The following SLAIN2 variants were observed in gnomAD, a reference collection of about 807,000 sequenced individuals.
SLAIN2 encodes SLAIN family member 2, also known as SLAIN motif-containing protein 2.
A neutral mutation model predicts 56.6 loss-of-function variants in SLAIN2; 31 were observed. The ratio of observed to expected loss-of-function variants is 0.55; its 90% CI spans 0.41 to 0.74. The LOEUF (loss-of-function observed/expected upper bound fraction) is 0.74. SLAIN2 is among the 30% of genes least tolerant of loss of function. The probability of loss-of-function intolerance (pLI) is 0.00; values close to 1 mark genes in which losing one functional copy is unlikely to be tolerated. For synonymous variants in SLAIN2, 317 were observed against 284.9 expected, an observed-to-expected ratio of 1.11 and a Z score of -1.13; for missense variants, 777 against 754.2, an observed-to-expected ratio of 1.03 and a Z score of -0.35.
chr4:48,417,815 A>AACTCT (rs1434055820), intron 6 of SLAIN2, among the ~76,000 whole-genome samples: 2 of 151,704 alleles, frequency 1.3e-5, no homozygotes, highest in African/African-American at 4.8e-5. Context: ...TCATGCTAAA[A>AACTCT]ACTCTCAATA....
intron 3 of SLAIN2, among the ~76,000 whole-genome samples, chr4:48,379,177 G>A (rs1174543500): frequency 6.6e-6 from 1 of 152,084 alleles, no homozygotes; most frequent in Non-Finnish European, 1.5e-5. Context: ...ATGGCATAAT[G>A]TAGGAGAAAC....
rs1255784396 is a variant in SLAIN2, at chr4:48,341,622, T to C, written c.-118T>C. 7.1e-7 allele frequency: 1 copy of C among 1,411,612 alleles called. No individual in the cohort carries two copies. The highest frequency in any genetic ancestry group is 3.0e-5 in the East Asian group (1 of 33,570). 87.4% of individuals were successfully genotyped at this position (1,411,612 alleles called of 1,614,324 possible). A position where few individuals can be genotyped will look rare whatever the true frequency, so the allele number is the denominator to read the frequency against. On this transcript the variant is annotated 5_prime_UTR_variant, in exon 1 of 8. Coordinates refer to ENST00000264313, the MANE Select transcript of SLAIN2 (RefSeq NM_020846.2). ...GGACCCTGGCGGTGGGGCCTGGTCC[T>C]GCTATATGCCGGCGCCTCGGCTAGA...
At chr4:48,400,327 T>A (rs1169923933) in intron 6 of SLAIN2, among the ~76,000 whole-genome samples, 4 of 152,068 alleles carry the variant, frequency 2.6e-5, no homozygotes, top group Non-Finnish European at 4.4e-5. Context: ...GTTGTTTGTA[T>A]TTCTCTTGGG....
At chr4:48,373,908 C>T (rs531687696) in intron 2 of SLAIN2, among the ~76,000 whole-genome samples, 2 of 152,026 alleles carry the variant, frequency 1.3e-5, no homozygotes, top group Non-Finnish European at 2.9e-5. Context: ...TGTGGTGGCA[C>T]ATGCCTGTAA....
At position 48,341,718 on chromosome 4, in the gene SLAIN2, C is replaced by CGGCGGA; in HGVS notation, c.-17_-16insAGGCGG. On this transcript the variant is annotated 5_prime_UTR_variant, in exon 1 of 8. Coordinates refer to ENST00000264313, the MANE Select transcript of SLAIN2 (RefSeq NM_020846.2). The stretch of plus-strand genomic sequence containing the variant: ...TGCGAGAGCGAGCGGGCGGCGGAGG[C>CGGCGGA]GGCGGCGGCGGCGGGGCCGGGATGG... The CGGCGGA allele has an allele frequency of 6.8e-7, 1 of 1,467,880 alleles. No homozygotes were observed. The highest frequency in any genetic ancestry group is 1.3e-5 in the South Asian group (1 of 74,228). The allele number at this position is 1,467,880 out of a possible 1,614,324, so 90.9% of individuals were successfully genotyped here.
chr4:48,409,216 T>G (rs1453657206), intron 6 of SLAIN2, among the ~76,000 whole-genome samples: 1 of 152,198 alleles, frequency 6.6e-6, no homozygotes, highest in Non-Finnish European at 1.5e-5. Flanking sequence ...TTAAGGTATT[T>G]TAGAATATAC....
intron 3 of SLAIN2, 29 bp downstream of exon 3, chr4:48,378,089 AGGAATGTTTTT>A: frequency 4.4e-6 from 7 of 1,603,770 alleles, no homozygotes; most frequent in Non-Finnish European, 6.0e-6. Context: ...GGAGCTATTA[AGGAATGTTTTT>A]TAGCTTACTG....
chr4:48,403,542 T>C (rs566657533), intron 6 of SLAIN2, among the ~76,000 whole-genome samples: 1 of 152,174 alleles, frequency 6.6e-6, no homozygotes, highest in Non-Finnish European at 1.5e-5. Flanking sequence ...ATCTGGACTT[T>C]CCAGAGCCAG....
chr4:48,348,963 G>T (rs1214600164), intron 1 of SLAIN2, among the ~76,000 whole-genome samples: 1 of 152,152 alleles, frequency 6.6e-6, no homozygotes, highest in African/African-American at 2.4e-5. Context: ...TTTTTTCCTA[G>T]ATTTACTTGC....
At chr4:48,421,322 A>G (rs1717152143) in intron 7 of SLAIN2, among the ~76,000 whole-genome samples, 1 of 152,088 alleles carries the variant, frequency 6.6e-6, no homozygotes, top group Non-Finnish European at 1.5e-5. Context: ...TTGTTTGCGT[A>G]ATCTTCAGAT....
At chr4:48,393,890 T>TTCCTCATGGAAAAAA (rs2109771561) in intron 6 of SLAIN2, among the ~76,000 whole-genome samples, 1 of 152,244 alleles carries the variant, frequency 6.6e-6, no homozygotes, top group African/African-American at 2.4e-5. Flanking sequence ...GAAAAAAGCT[T>TTCCTCATGGAAAAAA]AGCTTTCCTC....
intron 4 of SLAIN2, among the ~76,000 whole-genome samples, chr4:48,380,674 T>C (rs553388370): frequency 2.0e-5 from 3 of 152,208 alleles, no homozygotes; most frequent in Non-Finnish European, 2.9e-5. Flanking sequence ...AGATGCCATC[T>C]GCATAACTAT....
rs184423565 is a variant in SLAIN2 at position 48,365,021 on chromosome 4, T to C, written c.390-4828T>C. Among the ~76,000 whole-genome samples the C allele has an allele frequency of 9.8e-5, 15 of 152,320 alleles. No individual in the cohort carries two copies. In the East Asian group the frequency reaches 2.9e-3, roughly 29 times the overall value. On this transcript the variant is annotated intron_variant, in intron 1 of 7. Transcript: ENST00000264313. The stretch of plus-strand genomic sequence containing the variant: ...TTCCTAGGAATTAATCTGTTTTATC[T>C]ATTTTATTAGCATTAGGTTGTTCAT...
At chr4:48,376,234 A>T (rs1393394296) in intron 2 of SLAIN2, among the ~76,000 whole-genome samples, 2 of 152,222 alleles carry the variant, frequency 1.3e-5, no homozygotes, top group African/African-American at 4.8e-5. Context: ...CAGGCGGATC[A>T]TCTGAGCTCA....
intron 1 of SLAIN2, among the ~76,000 whole-genome samples, chr4:48,350,385 T>C (rs989212130): frequency 6.6e-5 from 10 of 152,240 alleles, no homozygotes; most frequent in Admixed American, 6.5e-5. Flanking sequence ...TAGGAACATA[T>C]CTATAACTAT....
chr4:48,361,300 A>C (rs1393636456), intron 1 of SLAIN2, among the ~76,000 whole-genome samples: 1 of 152,264 alleles, frequency 6.6e-6, no homozygotes, highest in Non-Finnish European at 1.5e-5. Context: ...AACAACATGC[A>C]CAAATGACCT....
At position 48,426,173 on chromosome 4, in the gene SLAIN2, C is replaced by A. The variant is rs1265271287; in HGVS notation, c.*4096C>A. On this transcript the variant is annotated 3_prime_UTR_variant, in exon 8 of 8. Coordinates refer to ENST00000264313, the MANE Select transcript of SLAIN2 (RefSeq NM_020846.2). ...TTTTTTTTTTAAGGAGAAAATGTTT[C>A]TTTTAAATAAATGTTTCTTATGTAA... 1.3e-5 allele frequency: 2 copies of A among 150,768 alleles called. No homozygotes were observed. The highest frequency in any genetic ancestry group is 1.9e-4 in the East Asian group (1 of 5,144). The allele number at this position is 150,768 out of a possible 1,614,324, so 9.3% of individuals were successfully genotyped here.
At chr4:48,381,076 T>G (rs1160362047) in intron 4 of SLAIN2, among the ~76,000 whole-genome samples, 5 of 152,116 alleles carry the variant, frequency 3.3e-5, no homozygotes, top group Non-Finnish European at 5.9e-5. Context: ...TAGGGGGTGG[T>G]TATTGTTGTG....
intron 6 of SLAIN2, among the ~76,000 whole-genome samples, chr4:48,410,709 A>G (rs1463982044): frequency 2.6e-5 from 4 of 151,964 alleles, no homozygotes; most frequent in East Asian, 1.9e-4. Context: ...TCCTTTTTCA[A>G]TCCCTGTGGG....
Sources: gnomAD v4.1 joint callset for allele counts (sites outside exome capture counted in the v4.1 genomes callset) on GRCh38, gnomAD v4.1.1 for gene constraint, MANE v1.5 for transcripts, NCBI Gene and HGNC (gene_info 2026-07-23, HGNC 2026-07-21) for gene names.